PI4KB: variants seen among roughly 807,000 people sequenced by gnomAD.
The protein encoded by PI4KB is phosphatidylinositol 4-kinase beta.
Under a neutral mutation model 81.4 loss-of-function variants are expected in PI4KB, and 23 were observed. That is an observed-to-expected ratio of 0.28 (90% CI 0.20 to 0.40). The LOEUF is 0.40. Among genes scored for constraint, PI4KB ranks in the 10% least tolerant of loss-of-function variants. The probability of loss-of-function intolerance (pLI) is 1.00; values close to 1 mark genes in which losing one functional copy is unlikely to be tolerated. For missense variants in PI4KB, 651 were observed against 1,036.6 expected, an observed-to-expected ratio of 0.63 and a Z score of 5.11; for synonymous variants, 381 against 406.8, an observed-to-expected ratio of 0.94 and a Z score of 0.76.
intron 9 of PI4KB, among the ~76,000 whole-genome samples, chr1:151,296,885 C>T (rs1571137812): frequency 6.6e-6 from 1 of 152,142 alleles, no homozygotes; most frequent in African/African-American, 2.4e-5. Context: ...CAGCAATTGT[C>T]CTGCCTCAGC....
intron 1 of PI4KB, among the ~76,000 whole-genome samples, chr1:151,320,667 A>G (rs1263658883): frequency 6.6e-6 from 1 of 152,216 alleles, no homozygotes; most frequent in African/African-American, 2.4e-5. Context: ...CACAGGAATA[A>G]TAAGAAGGAA....
intron 9 of PI4KB, among the ~76,000 whole-genome samples, chr1:151,297,244 G>A (rs587610993): frequency 1.3e-5 from 2 of 152,078 alleles, no homozygotes; most frequent in African/African-American, 4.8e-5. Context: ...ACCATGCTTG[G>A]CTAATTTTTA....
chr1:151,316,362 T>C lies in PI4KB; in HGVS notation c.120A>G (p.Leu40=), dbSNP rs978395005. 6.2e-7 allele frequency: 1 copy of C among 1,611,122 alleles called. No homozygotes were observed. The highest frequency in any genetic ancestry group is 8.5e-7 in the Non-Finnish European group (1 of 1,178,574). Reference sequence around the variant, plus strand: ...GGGCCACCTCAGGGTCAATCACTGATAGTTCCCCGACCCCCTCCGTGATGA... The same window carrying C: ...GGGCCACCTCAGGGTCAATCACTGACAGTTCCCCGACCCCCTCCGTGATGA... ...LSVITEGVGE[L]SVIDPEVAQK... Residue 40 remains leucine (L), a synonymous_variant, in exon 2 of 12, where the codon CTA becomes CTG. Coordinates refer to ENST00000368873, the MANE Select transcript of PI4KB (RefSeq NM_001369623.2).
chr1:151,325,951 C>G (rs548809735), intron 1 of PI4KB, among the ~76,000 whole-genome samples: 1 of 152,264 alleles, frequency 6.6e-6, no homozygotes, highest in South Asian at 2.1e-4. Context: ...AGTCCCGATT[C>G]TGAATGTACA....
Position 151,306,244 on chromosome 1 carries a change from T to C in PI4KB, c.1302A>G (p.Glu434=). 6.2e-7 allele frequency: 1 copy of C among 1,614,140 alleles called. No homozygotes were observed. Among genetic ancestry groups the C allele is most frequent in the Non-Finnish European group, 8.5e-7 (1 of 1,180,038 alleles). ...CTCGCTGCTCATGGGTAATACCACA[T>C]TCGGGCAAGTTTTCTACGGACCTCG... ...RSTRSVENLP[E]CGITHEQRAG... is the part of the protein sequence containing the mutation. The change falls in exon 5 of 12, where the codon GAA becomes GAG. Residue 434 remains glutamate (E), a synonymous_variant. Transcript: ENST00000368873.
chr1:151,317,710 T>G (rs1318040585), intron 1 of PI4KB, among the ~76,000 whole-genome samples: 2 of 152,216 alleles, frequency 1.3e-5, no homozygotes, highest in African/African-American at 2.4e-5. Context: ...TTGCTCTTCC[T>G]GTCTCCCTTT....
At chr1:151,303,061 C>T (rs1198528118) in intron 6 of PI4KB, among the ~76,000 whole-genome samples, 1 of 127,064 alleles carries the variant, frequency 7.9e-6, no homozygotes, top group African/African-American at 3.0e-5. Flanking sequence ...TGCAGTGGTG[C>T]GATCTCGGCT....
chr1:151,304,129 T>C (rs1695532147), intron 5 of PI4KB, among the ~76,000 whole-genome samples: 1 of 152,172 alleles, frequency 6.6e-6, no homozygotes, highest in Non-Finnish European at 1.5e-5. Context: ...CATCTCTCTC[T>C]AAATACAGAA....
intron 8 of PI4KB, among the ~76,000 whole-genome samples, chr1:151,301,329 C>T (rs1472991256): frequency 6.6e-6 from 1 of 152,216 alleles, no homozygotes; most frequent in Non-Finnish European, 1.5e-5. Flanking sequence ...TATTCTCCTG[C>T]CTCAGCCTCC....
In PI4KB at chr1:151,327,275, G is replaced by A. The variant is rs1209915375; in HGVS notation, c.-33C>T. On this transcript the variant is annotated 5_prime_UTR_variant, in exon 1 of 12. Coordinates refer to ENST00000368873, the MANE Select transcript of PI4KB (RefSeq NM_001369623.2). ...CATGAAGGAGGAGTAGCTTACCTCT[G>A]GGGGACCCCCGCGGAGGGGGTGCGG... The A allele has an allele frequency of 1.8e-5, 5 of 275,864 alleles. No homozygotes were observed. Among genetic ancestry groups the A allele is most frequent in the Non-Finnish European group, 3.1e-5 (5 of 159,324 alleles). The allele number at this position is 275,864 out of a possible 1,614,324, so 17.1% of individuals were successfully genotyped here.
rs200464358 is a variant in PI4KB, at chr1:151,306,268, C to T, written c.1278G>A (p.Thr426=). The change falls in exon 5 of 12, where the codon ACG becomes ACA. Residue 426 remains threonine (T), a synonymous_variant. Transcript: ENST00000368873. ...ARIPENRIRS[T]RSVENLPECG... ...ATTCGGGCAAGTTTTCTACGGACCT[C>T]GTACTCCGAATTCGGTTCTCGGGGA... 8.0e-5 allele frequency: 129 copies of T among 1,614,010 alleles called. No homozygotes were observed. Among genetic ancestry groups the T allele is most frequent in the Non-Finnish European group, 9.7e-5 (114 of 1,180,006 alleles).
At chr1:151,311,271 G>A (rs909039647) in intron 2 of PI4KB, among the ~76,000 whole-genome samples, 7 of 152,078 alleles carry the variant, frequency 4.6e-5, no homozygotes, top group Admixed American at 1.3e-4. Flanking sequence ...GGACGTTGAG[G>A]TCGGGGTGGG....
At position 151,316,208 on chromosome 1, in the gene PI4KB, C is replaced by T; in HGVS notation, c.274G>A (p.Asp92Asn). ...TCCTCCCTGATCTGGGCAGGTGGAT[C>T]ATCTAGGCAACGGATCTCACTGTCC... ...GVDSEIRCLD[D>N]PPAQIREEED... The change falls in exon 2 of 12, where the codon GAT becomes AAT. Residue 92 changes from aspartate (D) to asparagine (N), a missense_variant. Physicochemically the swap from Asp to Asn is conservative, Grantham distance 23 (BLOSUM62 1). This residue lies in a region of PI4KB where 314 missense variants were observed against 397.8 expected (regional missense o/e 0.79). Transcript: ENST00000368873. 6.2e-7 allele frequency: 1 copy of T among 1,614,104 alleles called. No individual in the cohort carries two copies. Among genetic ancestry groups the T allele is most frequent in the Non-Finnish European group, 8.5e-7 (1 of 1,179,998 alleles).
At chr1:151,296,232 G>A (rs1694776878) in intron 9 of PI4KB, among the ~76,000 whole-genome samples, 1 of 152,154 alleles carries the variant, frequency 6.6e-6, no homozygotes, top group Non-Finnish European at 1.5e-5. Context: ...GGACAACAGA[G>A]CAAGACTCTG....
At position 151,315,727 on chromosome 1, in the gene PI4KB, C is replaced by T; in HGVS notation, c.755G>A (p.Arg252Lys). 6.2e-7 allele frequency: 1 copy of T among 1,614,112 alleles called. No individual in the cohort carries two copies. The highest frequency in any genetic ancestry group is 8.5e-7 in the Non-Finnish European group (1 of 1,180,002). ...GGCCGGGCTCAAGGAGGGCAGCTCC[C>T]TCTTCCTGTGAGCTGGCTTTAGCTC... Reference protein sequence around the residue: ...SDELKPAHRKRELPSLSPAPD... With the variant: ...SDELKPAHRKKELPSLSPAPD... The change falls in exon 2 of 12, where the codon AGG becomes AAG. Residue 252 changes from arginine to lysine, a missense_variant. Transcript: ENST00000368873.
chr1:151,324,988 C>CTTTTT, intron 1 of PI4KB: 10 of 371,138 alleles, frequency 2.7e-5, no homozygotes, highest in Non-Finnish European at 3.6e-5. Context: ...AGGAAAGCTG[C>CTTTTT]TTTTTTTTTT....
In PI4KB at chr1:151,317,630, C is replaced by T. The variant is rs1405446363; in HGVS notation, c.-28-1121G>A. ...CATGCCTGGTGATTTACAGATTCTT[C>T]GGGTAGACTGAGAAGCAAGTCAGGT... On this transcript the variant is annotated intron_variant, in intron 1 of 11. Coordinates refer to ENST00000368873, the MANE Select transcript of PI4KB (RefSeq NM_001369623.2). Among the ~76,000 whole-genome samples the T allele has an allele frequency of 1.1e-4, 16 of 152,242 alleles. 1 individual carries two copies. Among genetic ancestry groups the T allele is most frequent in the South Asian group, 4.2e-4 (2 of 4,814 alleles).
chr1:151,311,116 A>G (rs1696182603), intron 2 of PI4KB, among the ~76,000 whole-genome samples: 2 of 152,124 alleles, frequency 1.3e-5, no homozygotes, highest in African/African-American at 2.4e-5. Context: ...TCCGTGTGCA[A>G]AAACAGGGGA....
intron 9 of PI4KB, among the ~76,000 whole-genome samples, chr1:151,297,389 TAAAG>T (rs1207482835): frequency 6.8e-6 from 1 of 146,850 alleles, no homozygotes; most frequent in Non-Finnish European, 1.5e-5. Flanking sequence ...TTGCCCAGAC[TAAAG>T]TACTGTGGCA....
Sources: gnomAD v4.1 joint callset for allele counts (sites outside exome capture counted in the v4.1 genomes callset) on GRCh38, gnomAD v4.1.1 for gene constraint, gnomAD v4.1.1 regional missense constraint, MANE v1.5 for transcripts, NCBI Gene and HGNC (gene_info 2026-07-23, HGNC 2026-07-21) for gene names.